Variants in KCNQ5 observed in about 807,000 individuals in gnomAD.
KCNQ5 encodes potassium voltage-gated channel subfamily Q member 5.
Under a neutral mutation model 98.2 loss-of-function variants are expected in KCNQ5, and 30 were observed. The ratio of observed to expected loss-of-function variants is 0.31; its 90% CI spans 0.23 to 0.41. The LOEUF is 0.41. Ranked by LOEUF, KCNQ5 falls within the 10% of genes least tolerant of loss-of-function variation. The pLI, the probability that KCNQ5 is intolerant of heterozygous loss-of-function variation, is 1.00. For missense variants in KCNQ5, 835 were observed against 1,182.5 expected (o/e 0.71, Z 4.31); for synonymous variants, 458 against 449.4 (o/e 1.02, Z -0.24).
intron 1 of KCNQ5, among the ~76,000 whole-genome samples, chr6:72,930,579 C>CAAAAAAAAAAAAAAAAAAAAAAAAAACA (rs5877339): frequency 1.1e-5 from 1 of 94,210 alleles, no homozygotes; most frequent in Non-Finnish European, 2.2e-5. Context: ...GACATTTTAC[C>CAAAAAAAAAAAAAAAAAAAAAAAAAACA]AAAAAAAAAA....
At chr6:72,754,820 T>A (rs1771878373) in intron 1 of KCNQ5, among the ~76,000 whole-genome samples, 1 of 152,166 alleles carries the variant, frequency 6.6e-6, no homozygotes, top group African/African-American at 2.4e-5. Context: ...GTCAAGTTGG[T>A]TGACAGTGTT....
At chr6:72,719,279 G>A (rs1471742363) in intron 1 of KCNQ5, among the ~76,000 whole-genome samples, 6 of 152,196 alleles carry the variant, frequency 3.9e-5, no homozygotes, top group Admixed American at 1.3e-4. Flanking sequence ...GTGGAAGACA[G>A]AGGCAGAGAT....
At chr6:73,075,716 C>T (rs142494329) in intron 3 of KCNQ5, among the ~76,000 whole-genome samples, 16 of 152,220 alleles carry the variant, frequency 1.1e-4, no homozygotes, top group Middle Eastern at 3.4e-3. Context: ...TGGGTACTTA[C>T]CCACAAAAGC....
intron 1 of KCNQ5, among the ~76,000 whole-genome samples, chr6:72,994,534 CA>C (rs2094381630): frequency 6.9e-6 from 1 of 145,036 alleles, no homozygotes; most frequent in Non-Finnish European, 1.5e-5. Context: ...ACGGTGCGCA[CA>C]CACACTGGCC....
chr6:73,022,649 A>G (rs915601694), intron 2 of KCNQ5, among the ~76,000 whole-genome samples: 3 of 152,114 alleles, frequency 2.0e-5, no homozygotes, highest in African/African-American at 7.2e-5. Context: ...TTGAGTGCCC[A>G]CTAGTTCTAA....
At chr6:73,007,387 G>A (rs978952374) in intron 2 of KCNQ5, among the ~76,000 whole-genome samples, 1 of 152,104 alleles carries the variant, frequency 6.6e-6, no homozygotes, top group African/African-American at 2.4e-5. Context: ...ACTCCACTGT[G>A]CCTTAGTTGT....
At chr6:72,724,062 T>G (rs2154475462) in intron 1 of KCNQ5, among the ~76,000 whole-genome samples, 1 of 152,332 alleles carries the variant, frequency 6.6e-6, no homozygotes, top group East Asian at 1.9e-4. Flanking sequence ...ATCTGTTATC[T>G]CTATAGATGT....
chr6:73,072,351 T>G (rs1773333183), intron 3 of KCNQ5, among the ~76,000 whole-genome samples: 1 of 152,208 alleles, frequency 6.6e-6, no homozygotes, highest in Non-Finnish European at 1.5e-5. Flanking sequence ...CTTTTCATTG[T>G]GATTTTACAT....
intron 1 of KCNQ5, among the ~76,000 whole-genome samples, chr6:72,976,100 A>G (rs1768149249): frequency 6.6e-6 from 1 of 152,170 alleles, no homozygotes; most frequent in Non-Finnish European, 1.5e-5. Flanking sequence ...GTTTCCAGGG[A>G]AAAATAAGTT....
intron 1 of KCNQ5, among the ~76,000 whole-genome samples, chr6:72,723,845 C>T (rs1021080847): frequency 6.6e-6 from 1 of 152,132 alleles, no homozygotes; most frequent in Non-Finnish European, 1.5e-5. Flanking sequence ...TACAACCCTT[C>T]ATGCTATTTT....
intron 3 of KCNQ5, among the ~76,000 whole-genome samples, chr6:73,045,030 G>A (rs760531569): frequency 8.5e-5 from 13 of 152,174 alleles, no homozygotes; most frequent in Non-Finnish European, 1.6e-4. Flanking sequence ...GAAGCTGCTA[G>A]AGTGGTCAGC....
At chr6:72,647,763 A>C (rs1765672845) in intron 1 of KCNQ5, among the ~76,000 whole-genome samples, 1 of 152,192 alleles carries the variant, frequency 6.6e-6, no homozygotes, top group African/African-American at 2.4e-5. Flanking sequence ...CTTATTTGTA[A>C]GTTCCTATGG....
chr6:73,152,284 T>A (rs1261885925), intron 10 of KCNQ5, among the ~76,000 whole-genome samples: 2 of 151,784 alleles, frequency 1.3e-5, no homozygotes, highest in African/African-American at 4.8e-5. Context: ...GATATGAAAA[T>A]CTGTTATTTG....
intron 1 of KCNQ5, among the ~76,000 whole-genome samples, chr6:72,734,041 A>T (rs1315271703): frequency 1.3e-5 from 2 of 152,208 alleles, no homozygotes; most frequent in Non-Finnish European, 2.9e-5. Context: ...TTGGGCAATA[A>T]AGTGGCTACA....
chr6:72,793,270 TATTGTG>T (rs1299307464), intron 1 of KCNQ5, among the ~76,000 whole-genome samples: 1 of 152,216 alleles, frequency 6.6e-6, no homozygotes, highest in Non-Finnish European at 1.5e-5. Context: ...ATGAAGAGAA[TATTGTG>T]GTTAGTTTTG....
At chr6:72,791,275 A>T (rs887689507) in intron 1 of KCNQ5, among the ~76,000 whole-genome samples, 9 of 152,344 alleles carry the variant, frequency 5.9e-5, no homozygotes, top group Non-Finnish European at 1.2e-4. Context: ...GTACTCACAC[A>T]TGCATATCCA....
At chr6:72,856,188 A>T (rs1201290064) in intron 1 of KCNQ5, among the ~76,000 whole-genome samples, 1 of 152,158 alleles carries the variant, frequency 6.6e-6, no homozygotes, top group Non-Finnish European at 1.5e-5. Context: ...AAATCAACAC[A>T]CATAAAACTG....
At chr6:72,982,843 G>A (rs889977932) in intron 1 of KCNQ5, among the ~76,000 whole-genome samples, 1 of 152,116 alleles carries the variant, frequency 6.6e-6, no homozygotes, top group Admixed American at 6.6e-5. Flanking sequence ...GCTTCCTTTA[G>A]GAGCTCTTGT....
chr6:72,694,250 C>T (rs113778558), intron 1 of KCNQ5, among the ~76,000 whole-genome samples: 5 of 152,150 alleles, frequency 3.3e-5, no homozygotes, highest in African/African-American at 1.2e-4. Context: ...ACATCTGTGA[C>T]CCTTAGAAGG....
Sources: allele counts gnomAD v4.1 joint callset (sites outside exome capture counted in the v4.1 genomes callset), GRCh38; gene constraint gnomAD v4.1.1; transcripts MANE v1.5; gene names NCBI Gene and HGNC (gene_info 2026-07-23, HGNC 2026-07-21).